The following ATP13A2 variants were observed in gnomAD, a reference collection of about 807,000 sequenced individuals.
The protein encoded by ATP13A2 is polyamine-transporting ATPase 13A2.
A neutral mutation model predicts 138.3 loss-of-function variants in ATP13A2; 83 were observed. That is an observed-to-expected ratio of 0.60 (90% CI 0.50 to 0.72). The LOEUF (loss-of-function observed/expected upper bound fraction) is 0.72. Among genes scored for constraint, ATP13A2 ranks in the 30% least tolerant of loss-of-function variants. The pLI, the probability that ATP13A2 is intolerant of heterozygous loss-of-function variation, is 0.00. For missense variants in ATP13A2, 1,402 were observed against 1,606.4 expected, an observed-to-expected ratio of 0.87 and a Z score of 2.17; for synonymous variants, 663 against 699.0, an observed-to-expected ratio of 0.95 and a Z score of 0.81.
At chr1:17,005,276 A>G in intron 3 of ATP13A2, 98 bp downstream of exon 3, 2 of 1,520,624 alleles carry the variant, frequency 1.3e-6, no homozygotes, top group Non-Finnish European at 8.9e-7. Flanking sequence ...CTAATGTCCC[A>G]TGGAAAGTCA....
Position 17,000,007 on chromosome 1 carries a change from T to C in ATP13A2, c.1039+4A>G. 1 of 1,603,038 alleles carries C rather than the reference T, an allele frequency of 6.2e-7. No homozygotes were observed. The highest frequency in any genetic ancestry group is 8.5e-7 in the Non-Finnish European group (1 of 1,173,846). The stretch of plus-strand genomic sequence containing the variant: ...AAGCTGCAGGCCAGGGGCTGGGGGC[T>C]CACCTGTCAGAGAGCTCTCATTCAC... On this transcript the variant is annotated splice_donor_region_variant and intron_variant, in intron 11 of 28. Transcript: ENST00000326735.
intron 6 of ATP13A2, among the ~76,000 whole-genome samples, chr1:17,003,363 G>C (rs533437869): frequency 1.3e-5 from 2 of 152,156 alleles, no homozygotes; most frequent in South Asian, 4.1e-4. Flanking sequence ...TTTGAGAACA[G>C]CCTGGCCAAC....
chr1:16,992,159 G>C lies in ATP13A2; in HGVS notation c.2006-30C>G, dbSNP rs370340526. 3.1e-5 allele frequency: 50 copies of C among 1,611,900 alleles called. No individual in the cohort carries two copies. In the African/African-American group the frequency reaches 5.9e-4, roughly 19 times the overall value. Reference sequence around the variant, plus strand: ...CAGGGAGAGGCAGGTGTCACAAGGAGGGGATGGCAGGGACAGAGGCTGGGT... The same window carrying C: ...CAGGGAGAGGCAGGTGTCACAAGGACGGGATGGCAGGGACAGAGGCTGGGT... On this transcript the variant is annotated intron_variant, in intron 18 of 28. Transcript: ENST00000326735.
intron 11 of ATP13A2, among the ~76,000 whole-genome samples, chr1:16,997,764 CAG>C (rs1164562994): frequency 6.6e-6 from 1 of 150,970 alleles, no homozygotes; most frequent in Non-Finnish European, 1.5e-5. Context: ...TAACTTGAAC[CAG>C]AGAGGCGGAG....
In ATP13A2 at chr1:16,992,464, C is replaced by A. The variant is rs201584288; in HGVS notation, c.1845+22G>T. ...GGAGCCCACCCCTCTGCCCTGCACC[C>A]AACAGGCCCCCCTCAGCTCACCATT... On this transcript the variant is annotated intron_variant, in intron 17 of 28. Transcript: ENST00000326735. The A allele has an allele frequency of 1.5e-5, 24 of 1,613,764 alleles. No homozygotes were observed. In the East Asian group the frequency reaches 5.1e-4, roughly 34 times the overall value.
In ATP13A2 at chr1:16,993,782, C is replaced by T; in HGVS notation, c.1596G>A (p.Lys532=). The T allele has an allele frequency of 6.3e-7, 1 of 1,586,186 alleles. No homozygotes were observed. The highest frequency in any genetic ancestry group is 8.6e-7 in the Non-Finnish European group (1 of 1,166,996). The change falls in exon 16 of 29, where the codon AAG becomes AAA. Residue 532 remains lysine, a synonymous_variant. Coordinates refer to ENST00000326735, the MANE Select transcript of ATP13A2 (RefSeq NM_022089.4). ...GGACCAGGGGCAGGAATGCCTGCCC[C>T]TTCAGGGGCACCACCCCCATCACGT... is the stretch of plus-strand genomic sequence containing the variant. ...GLDVMGVVPL[K]GQAFLPLVPE...
chr1:16,993,818 C>A lies in ATP13A2; in HGVS notation c.1560G>T (p.Glu520Asp). Residue 520 changes from glutamate (E) to aspartate (D), a missense_variant, in exon 16 of 29, where the codon GAG (glutamate) becomes GAT (aspartate). Transcript: ENST00000326735. ...CCACCCCCATCACGTCTAAGCCGTC[C>A]TCAGTGAGGGTGCCCGTCTGTGGGA... ...VCFDKTGTLT[E>D]DGLDVMGVVP... 6.4e-7 allele frequency: 1 copy of A among 1,567,814 alleles called. No individual in the cohort carries two copies. The highest frequency in any genetic ancestry group is 8.6e-7 in the Non-Finnish European group (1 of 1,156,788).
At position 17,004,902 on chromosome 1, in the gene ATP13A2, C is replaced by T. The variant is rs571564140; in HGVS notation, c.348-81G>A. On this transcript the variant is annotated intron_variant, in intron 4 of 28. Coordinates refer to ENST00000326735, the MANE Select transcript of ATP13A2 (RefSeq NM_022089.4). This position sits in a 1 kb window ranked among gnomAD's most constrained non-coding sequence, Gnocchi z 4.1. ...CTGTGCTCACAGAGCCATCTTCCCTCCCTAGGATGGGAGGCGCCAGAGTCA... is the reference window on the plus strand; with the variant it reads ...CTGTGCTCACAGAGCCATCTTCCCTTCCTAGGATGGGAGGCGCCAGAGTCA... 1.9e-6 allele frequency: 3 copies of T among 1,612,926 alleles called. No individual in the cohort carries two copies. Among genetic ancestry groups the T allele is most frequent in the South Asian group, 2.2e-5 (2 of 91,050 alleles).
At position 17,004,248 on chromosome 1, in the gene ATP13A2, C is replaced by G. The variant is rs1011567430; in HGVS notation, c.557+84G>C. The stretch of plus-strand genomic sequence containing the variant: ...AAAAGCATCAGAGCTGAGAGGGGAG[C>G]CCAGGCCATGCCATGCCACCGTCTG... On this transcript the variant is annotated intron_variant, in intron 6 of 28. Coordinates refer to ENST00000326735, the MANE Select transcript of ATP13A2 (RefSeq NM_022089.4). The surrounding 1 kb of genome is among the most constrained non-coding windows in gnomAD (Gnocchi z 4.1). The G allele has an allele frequency of 7.1e-7, 1 of 1,415,068 alleles. No homozygotes were observed. Among genetic ancestry groups the G allele is most frequent in the African/African-American group, 1.4e-5 (1 of 70,366 alleles). The allele number at this position is 1,415,068 out of a possible 1,614,324, so 87.7% of individuals were successfully genotyped here. A position where few individuals can be genotyped will look rare whatever the true frequency, so the allele number is the denominator to read the frequency against.
rs886045583 is a variant in ATP13A2, at chr1:17,011,889, G to A, written c.-151C>T. ...GGGCTGGAGCAGGGCTGACGCGGGC[G>A]GGGCACCTGGGCCACCAGGCTCGGC... On this transcript the variant is annotated 5_prime_UTR_variant, in exon 1 of 29. Coordinates refer to ENST00000326735, the MANE Select transcript of ATP13A2 (RefSeq NM_022089.4). The surrounding 1 kb of genome is among the most constrained non-coding windows in gnomAD (Gnocchi z 7.3). 72 of 663,772 alleles carry A rather than the reference G, an allele frequency of 1.1e-4. No homozygotes were observed. The highest frequency in any genetic ancestry group is 1.3e-4 in the Non-Finnish European group (68 of 530,472). 41.1% of individuals were successfully genotyped at this position (663,772 alleles called of 1,614,324 possible).
In ATP13A2 at chr1:16,996,112, A is replaced by C; in HGVS notation, c.1406T>G (p.Val469Gly). The C allele has an allele frequency of 6.2e-7, 1 of 1,614,080 alleles. No homozygotes were observed. Among genetic ancestry groups the C allele is most frequent in the East Asian group, 2.2e-5 (1 of 44,896 alleles). Residue 469 changes from valine to glycine, a missense_variant, in exon 15 of 29, where the codon GTG becomes GGG. Coordinates refer to ENST00000326735, the MANE Select transcript of ATP13A2 (RefSeq NM_022089.4). ...CATGGCAGCAGGCAGGGCAGGTGGC[A>C]CCACCACGGTCACCAGGTCGAGAGC... is the stretch of plus-strand genomic sequence containing the variant. ...IRALDLVTVV[V>G]PPALPAAMTV...
In ATP13A2 at chr1:17,000,051, C is replaced by G; in HGVS notation, c.999G>C (p.Leu333=). ...CATTCACCATGCACTCGCCGGCCACCAGGGCGGCATCACAGGGCATCAGCC... is the reference window on the plus strand; with the variant it reads ...CATTCACCATGCACTCGCCGGCCACGAGGGCGGCATCACAGGGCATCAGCC... ...EGGLMPCDAA[L]VAGECMVNES... is the part of the protein sequence containing the mutation. Residue 333 remains leucine, a synonymous_variant, in exon 11 of 29, where the codon CTG becomes CTC. Coordinates refer to ENST00000326735, the MANE Select transcript of ATP13A2 (RefSeq NM_022089.4). 2.5e-6 allele frequency: 4 copies of G among 1,613,000 alleles called. No homozygotes were observed. Among genetic ancestry groups the G allele is most frequent in the Non-Finnish European group, 2.5e-6 (3 of 1,179,672 alleles).
Position 17,011,840 on chromosome 1 carries a change from G to A in ATP13A2, c.-102C>T, listed in dbSNP as rs2077812234. 4.8e-6 allele frequency: 5 copies of A among 1,042,466 alleles called. No homozygotes were observed. The highest frequency in any genetic ancestry group is 4.6e-5 in the South Asian group (1 of 21,708). The allele number at this position is 1,042,466 out of a possible 1,614,324, so 64.6% of individuals were successfully genotyped here. ...CGGGGGCGCGGTCCGGACGGCCCGG[G>A]GCGAGGGGCGCTGGGCTAGCGCGGG... On this transcript the variant is annotated 5_prime_UTR_variant, in exon 1 of 29. Coordinates refer to ENST00000326735, the MANE Select transcript of ATP13A2 (RefSeq NM_022089.4). The surrounding 1 kb of genome is among the most constrained non-coding windows in gnomAD (Gnocchi z 7.3).
rs374756116 is a variant in ATP13A2 at position 16,992,224 on chromosome 1, C to T, written c.2005+19G>A. The T allele has an allele frequency of 6.2e-7, 1 of 1,612,258 alleles. No homozygotes were observed. ...GTGCCAATGCCCAACCAGGGGGACT[C>T]AGGGGCTTCCCCCTGCACCTGTCTC... On this transcript the variant is annotated intron_variant, in intron 18 of 28. Transcript: ENST00000326735.
chr1:16,986,944 C>G lies in ATP13A2; in HGVS notation c.3096G>C (p.Leu1032=), dbSNP rs772117418. 6.2e-7 allele frequency: 1 copy of G among 1,613,136 alleles called. No individual in the cohort carries two copies. Among genetic ancestry groups the G allele is most frequent in the Non-Finnish European group, 8.5e-7 (1 of 1,179,890 alleles). ...TGTCTGGTGCGGCCACTGTCCTGTT[C>G]AGAGGCACGAACCTGGGGGTACAGG... ...LTLAQPWFVP[L]NRTVAAPDNL... is the part of the protein sequence containing the mutation. Residue 1032 remains leucine, a synonymous_variant, in exon 27 of 29, where the codon CTG becomes CTC. Transcript: ENST00000326735. The surrounding 1 kb of genome is among the most constrained non-coding windows in gnomAD (Gnocchi z 6.9).
At chr1:17,006,998 A>C (rs929117626) in intron 1 of ATP13A2, among the ~76,000 whole-genome samples, 11 of 151,586 alleles carry the variant, frequency 7.3e-5, no homozygotes, top group South Asian at 2.1e-4. Flanking sequence ...TCAAGCGATT[A>C]TCCTGCCTCA....
intron 11 of ATP13A2, 140 bp from the exon 12 acceptor site, chr1:16,997,315 AT>A: frequency 9.7e-7 from 1 of 1,026,298 alleles, no homozygotes; most frequent in Non-Finnish European, 1.5e-6. Context: ...TCACAGCCCC[AT>A]TTTACAGAGA....
intron 1 of ATP13A2, among the ~76,000 whole-genome samples, chr1:17,007,515 T>A (rs1415101786): frequency 6.6e-6 from 1 of 151,040 alleles, no homozygotes; most frequent in Non-Finnish European, 1.5e-5. Flanking sequence ...GGCTCCCTCC[T>A]TCATCCCCCA....
chr1:16,990,248 C>T lies in ATP13A2; in HGVS notation c.2291G>A (p.Cys764Tyr), dbSNP rs1557677073. 1 of 1,614,052 alleles carries T rather than the reference C, an allele frequency of 6.2e-7. No homozygotes were observed. The highest frequency in any genetic ancestry group is 1.1e-5 in the South Asian group (1 of 91,086). The stretch of plus-strand genomic sequence containing the variant: ...ATGCTCCTGGGGGGCCACCATGCCA[C>T]AGCCCCGGGCCACAGTCACCGCTGT... ...LQTAVTVARGCGMVAPQEHLI... is the reference protein window; with the variant it reads ...LQTAVTVARGYGMVAPQEHLI... Residue 764 changes from cysteine (C) to tyrosine (Y), a missense_variant, in exon 21 of 29, where the codon TGT (cysteine) becomes TAT (tyrosine). By Grantham distance (194) the Cys-to-Tyr change is radical. Coordinates refer to ENST00000326735, the MANE Select transcript of ATP13A2 (RefSeq NM_022089.4).
Sources: allele counts gnomAD v4.1 joint callset (sites outside exome capture counted in the v4.1 genomes callset), GRCh38; gene constraint gnomAD v4.1.1; non-coding constraint Gnocchi (gnomAD v3.1); transcripts MANE v1.5; gene names NCBI Gene and HGNC (gene_info 2026-07-23, HGNC 2026-07-21).